The following PTCH1 variants were observed in gnomAD, a reference collection of about 807,000 sequenced individuals.
PTCH1 encodes the protein protein patched homolog 1.
In PTCH1, 14 loss-of-function variants were observed where a neutral mutation model predicts 144.6. That is an observed-to-expected ratio of 0.10 (90% CI 0.06 to 0.15). The LOEUF (loss-of-function observed/expected upper bound fraction) is 0.15. Among genes scored for constraint, PTCH1 ranks in the 10% least tolerant of loss-of-function variants. PTCH1 has a pLI of 1.00. For synonymous variants in PTCH1, 833 were observed against 793.6 expected (o/e 1.05, Z -0.83); for missense variants, 1,623 against 1,948.3 (o/e 0.83, Z 3.14).
At chr9:95,511,095 G>C (rs1416568290), upstream of PTCH1, among the ~76,000 whole-genome samples, 2 of 149,672 alleles carry the variant, frequency 1.3e-5, no homozygotes, top group Non-Finnish European at 3.0e-5. Context: ...CAATGGTCGC[G>C]CTCACGAGTC....
intron 16 of PTCH1, among the ~76,000 whole-genome samples, chr9:95,461,138 A>G (rs1839421641): frequency 6.6e-6 from 1 of 152,150 alleles, no homozygotes; most frequent in South Asian, 2.1e-4. Flanking sequence ...GGAGGAGTCC[A>G]AAACACACTC....
rs1472928222 is a variant in PTCH1 at position 95,459,803 on chromosome 9, A to G, written c.2704-20T>C. On this transcript the variant is annotated intron_variant, in intron 16 of 23. Transcript: ENST00000331920. ...AGTCAACTACAAAAACGGGAAGAAC[A>G]GAGGCCTTTGAGAATGGGGTTGGGG... 6.2e-7 allele frequency: 1 copy of G among 1,613,536 alleles called. No individual in the cohort carries two copies. The highest frequency in any genetic ancestry group is 1.3e-5 in the African/African-American group (1 of 75,060).
At chr9:95,460,794 G>A (rs1463765355) in intron 16 of PTCH1, among the ~76,000 whole-genome samples, 2 of 152,098 alleles carry the variant, frequency 1.3e-5, no homozygotes. Context: ...AATCCCATTT[G>A]TCCCACAGTA....
At chr9:95,495,519 C>G (rs1842729194) in intron 2 of PTCH1, 1 of 151,726 alleles carries the variant, frequency 6.6e-6, no homozygotes, top group Non-Finnish European at 1.5e-5. Flanking sequence ...TATAGCTACC[C>G]AGAGGAAGAA....
Position 95,458,606 on chromosome 9 carries a change from T to C in PTCH1, c.2888-313A>G, listed in dbSNP as rs1588541802. Among the ~76,000 whole-genome samples, 1 of 152,342 alleles carries C rather than the reference T, an allele frequency of 6.6e-6. No homozygotes were observed. Among genetic ancestry groups the C allele is most frequent in the African/African-American group, 2.4e-5 (1 of 41,578 alleles). On this transcript the variant is annotated intron_variant, in intron 17 of 23. Coordinates refer to ENST00000331920, the MANE Select transcript of PTCH1 (RefSeq NM_000264.5). The surrounding 1 kb of genome is among the most constrained non-coding windows in gnomAD (Gnocchi z 4.7). The stretch of plus-strand genomic sequence containing the variant: ...TTTGTTCCCTTGACACATATGAAAA[T>C]ACCAAGTTCACACAGTTTTATTCAA...
Position 95,476,617 on chromosome 9 carries a change from TTGAC to T in PTCH1, c.1602+138_1602+141del. 1.2e-6 allele frequency: 1 copy of T among 834,294 alleles called. No homozygotes were observed. Among genetic ancestry groups the T allele is most frequent in the Non-Finnish European group, 2.0e-6 (1 of 501,176 alleles). 51.7% of individuals were successfully genotyped at this position (834,294 alleles called of 1,614,324 possible). ...CCTGAGAGTCTTCCAGCTTATTTCA[TTGAC>T]TGGCAGCCAGTGACACATCATCTGA... On this transcript the variant is annotated intron_variant, in intron 11 of 23. Transcript: ENST00000331920. This position sits in a 1 kb window ranked among gnomAD's most constrained non-coding sequence, Gnocchi z 4.6.
intron 19 of PTCH1, 80 bp from the exon 20 acceptor site, chr9:95,453,700 G>C: frequency 1.3e-6 from 2 of 1,581,314 alleles, no homozygotes; most frequent in Non-Finnish European, 8.6e-7. Flanking sequence ...AATGTTACAA[G>C]CTCTCAGAAC....
At chr9:95,492,902 G>C (rs1227294136) in intron 2 of PTCH1, among the ~76,000 whole-genome samples, 1 of 151,998 alleles carries the variant, frequency 6.6e-6, no homozygotes, top group Non-Finnish European at 1.5e-5. Context: ...GTCTTAGAGG[G>C]GGCAGATGAA....
rs898679166 is a variant in PTCH1, at chr9:95,481,868, GAACA to G, written c.746+77_746+80del. On this transcript the variant is annotated intron_variant, in intron 5 of 23. Transcript: ENST00000331920. ...TTATTTCTTGTTCAAAACTGAAATGGAACAAACAATGATAAGCAACATTAGAAAC... is the reference window on the plus strand; with the variant it reads ...TTATTTCTTGTTCAAAACTGAAATGGAACAATGATAAGCAACATTAGAAAC... 5.0e-5 allele frequency: 64 copies of G among 1,286,714 alleles called. No homozygotes were observed. In the African/African-American group the frequency reaches 6.4e-4, roughly 13 times the overall value. The allele number at this position is 1,286,714 out of a possible 1,614,324, so 79.7% of individuals were successfully genotyped here.
chr9:95,467,942 T>C (rs1840167885), intron 14 of PTCH1, among the ~76,000 whole-genome samples: 1 of 151,964 alleles, frequency 6.6e-6, no homozygotes, highest in African/African-American at 2.4e-5. Context: ...GATCTCACTC[T>C]GTCTCCCAGG....
chr9:95,469,201 T>G, intron 13 of PTCH1, 48 bp from the exon 14 acceptor site: 1 of 1,610,692 alleles, frequency 6.2e-7, no homozygotes, highest in Non-Finnish European at 8.5e-7. Flanking sequence ...AACAGGGAAA[T>G]GGTGCTTTCA....
exon 1 of PTCH1, chr9:95,516,725 A>G: frequency 6.2e-7 from 1 of 1,612,762 alleles, no homozygotes; most frequent in Non-Finnish European, 8.5e-7. Flanking sequence ...AGGAACGGAA[A>G]GTGTAAAAAC....
rs1255109713 is a variant in PTCH1 at position 95,446,345 on chromosome 9, T to C, written c.*48A>G. ...AAGCAGTTCTGGAAAGAGGTGGGGG[T>C]GGGGGGTTTCCAATCTTTGGCCTCT... On this transcript the variant is annotated 3_prime_UTR_variant, in exon 24 of 24. Coordinates refer to ENST00000331920, the MANE Select transcript of PTCH1 (RefSeq NM_000264.5). 2.1e-6 allele frequency: 1 copy of C among 474,652 alleles called. No individual in the cohort carries two copies. The highest frequency in any genetic ancestry group is 4.1e-6 in the Non-Finnish European group (1 of 243,532). 29.4% of individuals were successfully genotyped at this position (474,652 alleles called of 1,614,324 possible).
intron 12 of PTCH1, among the ~76,000 whole-genome samples, chr9:95,475,218 C>A (rs948466972): frequency 6.6e-6 from 1 of 152,178 alleles, no homozygotes; most frequent in Admixed American, 6.5e-5. Context: ...CTATCCCCAT[C>A]CCAGGGAACT....
intron 2 of PTCH1, among the ~76,000 whole-genome samples, chr9:95,502,854 C>A (rs528849438): frequency 4.3e-4 from 65 of 152,282 alleles, no homozygotes; most frequent in African/African-American, 1.5e-3. Context: ...TTAAACAAAG[C>A]ATGAAAGTCA....
intron 2 of PTCH1, among the ~76,000 whole-genome samples, chr9:95,493,422 C>T (rs1385397755): frequency 6.6e-6 from 1 of 152,166 alleles, no homozygotes; most frequent in African/African-American, 2.4e-5. Context: ...CATGGCACAC[C>T]AAGTGTGCTG....
intron 2 of PTCH1, chr9:95,494,367 A>C (rs1201606622): frequency 1.0e-6 from 1 of 985,462 alleles, no homozygotes; most frequent in Non-Finnish European, 1.2e-6. Flanking sequence ...CGAGTTCCCG[A>C]GACGACGCTG....
In PTCH1 at chr9:95,478,788, T is replaced by C. The variant is rs56372911; in HGVS notation, c.1215+212A>G. ...GGAATTCACAACTGGTTACTAAACA[T>C]GTCTCAGGGCACCCCAATTAGAACT... is the stretch of plus-strand genomic sequence containing the variant. On this transcript the variant is annotated intron_variant, in intron 8 of 23. Coordinates refer to ENST00000331920, the MANE Select transcript of PTCH1 (RefSeq NM_000264.5). 7.1e-3 allele frequency among the ~76,000 whole-genome samples: 1,082 copies of C among 152,298 alleles called. 13 individuals carry two copies. Among genetic ancestry groups the C allele is most frequent in the African/African-American group, 0.024 (1,016 of 41,548 alleles).
intron 18 of PTCH1, 64 bp downstream of exon 18, chr9:95,457,949 G>A (rs548782527): frequency 2.5e-4 from 396 of 1,600,532 alleles, no homozygotes; most frequent in Middle Eastern, 2.1e-3. Context: ...AAAACTTCCC[G>A]GCTGCAGAAA....
Sources: gnomAD v4.1 joint callset for allele counts (sites outside exome capture counted in the v4.1 genomes callset) on GRCh38, gnomAD v4.1.1 for gene constraint, Gnocchi (gnomAD v3.1) non-coding constraint, MANE v1.5 for transcripts, NCBI Gene and HGNC (gene_info 2026-07-23, HGNC 2026-07-21) for gene names.